The following ITPRID2 variants were observed in gnomAD, a reference collection of about 807,000 sequenced individuals.
ITPRID2 encodes protein ITPRID2.
In ITPRID2, 60 loss-of-function variants were observed where a neutral mutation model predicts 124.3. The ratio of observed to expected loss-of-function variants is 0.48; its 90% confidence interval spans 0.39 to 0.60. ITPRID2 has a LOEUF of 0.60. Ranked by LOEUF, ITPRID2 falls within the 20% of genes least tolerant of loss-of-function variation. The pLI, the probability that ITPRID2 is intolerant of heterozygous loss-of-function variation, is 0.00. For synonymous variants in ITPRID2, 521 were observed against 542.9 expected (o/e 0.96, Z 0.56); for missense variants, 1,553 against 1,512.2 (o/e 1.03, Z -0.45).
At chr2:181,911,866 C>T (rs1191466043) in intron 9 of ITPRID2, among the ~76,000 whole-genome samples, 2 of 152,170 alleles carry the variant, frequency 1.3e-5, no homozygotes, top group Non-Finnish European at 2.9e-5. Flanking sequence ...AGAAACACAG[C>T]AAGAACTTGA....
chr2:181,901,216 C>T (rs1692640577), intron 7 of ITPRID2, among the ~76,000 whole-genome samples: 1 of 152,136 alleles, frequency 6.6e-6, no homozygotes, highest in African/African-American at 2.4e-5. Context: ...CCTTGTTAAT[C>T]TTAAATGAAG....
intron 16 of ITPRID2, among the ~76,000 whole-genome samples, chr2:181,922,993 A>G (rs1694593265): frequency 6.6e-6 from 1 of 152,198 alleles, no homozygotes; most frequent in Non-Finnish European, 1.5e-5. Flanking sequence ...TAATAAGTAT[A>G]AATAGATTGA....
rs908140671 is a variant in ITPRID2 at position 181,922,158 on chromosome 2, C to G, written c.3421C>G (p.Pro1141Ala). ...TGCCTCAGTGGGCAAATCCAAAACC[C>G]CATTAGTGGCAAGGAAGAAAGTGTT... ...STASVGKSKT[P>A]LVARKKVFRA... The change falls in exon 16 of 18, where the codon CCA becomes GCA. Residue 1141 changes from proline to alanine, a missense_variant. Pro to Ala is a conservative substitution (Grantham distance 27). Transcript: ENST00000431877. 1 of 1,614,216 alleles carries G rather than the reference C, an allele frequency of 6.2e-7. No homozygotes were observed. The highest frequency in any genetic ancestry group is 8.5e-7 in the Non-Finnish European group (1 of 1,180,040).
intron 11 of ITPRID2, chr2:181,917,559 T>G (rs1694166687): frequency 6.6e-6 from 1 of 152,430 alleles, no homozygotes; most frequent in African/African-American, 2.4e-5. Flanking sequence ...CACCTAGTTC[T>G]TCTGCTCCAG....
rs763900957 is a variant in ITPRID2 at position 181,918,640 on chromosome 2, A to G, written c.2830A>G (p.Ser944Gly). 1 of 1,614,118 alleles carries G rather than the reference A, an allele frequency of 6.2e-7. No individual in the cohort carries two copies. Among genetic ancestry groups the G allele is most frequent in the Non-Finnish European group, 8.5e-7 (1 of 1,179,986 alleles). The change falls in exon 12 of 18, where the codon AGT (serine) becomes GGT (glycine). Residue 944 changes from serine (S) to glycine (G), a missense_variant. Ser to Gly is a moderately conservative substitution (Grantham distance 56, BLOSUM62 0). Transcript: ENST00000431877. ...RGPDPAAAPY[S>G]TQKSSVLPLY... Reference sequence around the variant, plus strand: ...ACCTGATCCTGCTGCTGCTCCATATAGTACTCAGAAATCATCTGTTCTACC... The same window carrying G: ...ACCTGATCCTGCTGCTGCTCCATATGGTACTCAGAAATCATCTGTTCTACC...
intron 7 of ITPRID2, 54 bp from the exon 8 acceptor site, chr2:181,901,712 G>A: frequency 1.7e-6 from 2 of 1,195,838 alleles, no homozygotes; most frequent in Non-Finnish European, 2.3e-6. Flanking sequence ...TTTAATATAT[G>A]TGTATGTATA....
At chr2:181,897,383 T>C (rs1574202921) in intron 4 of ITPRID2, among the ~76,000 whole-genome samples, 1 of 152,020 alleles carries the variant, frequency 6.6e-6, no homozygotes, top group East Asian at 1.9e-4. Context: ...TTTAAGTGTC[T>C]CCTGTCTTTT....
In ITPRID2 at chr2:181,929,727, A is replaced by T; in HGVS notation, c.*180A>T. ...ATATTTTAAAAAGACGTACATAGAA[A>T]CTTAGGCACTTTGCTATTTCTTTTC... On this transcript the variant is annotated 3_prime_UTR_variant, in exon 18 of 18. Coordinates refer to ENST00000431877, the MANE Select transcript of ITPRID2 (RefSeq NM_001130445.3). 4 of 1,016,550 alleles carry T rather than the reference A, an allele frequency of 3.9e-6. No individual in the cohort carries two copies. Among genetic ancestry groups the T allele is most frequent in the Non-Finnish European group, 5.6e-6 (4 of 712,364 alleles). 63.0% of individuals were successfully genotyped at this position (1,016,550 alleles called of 1,614,324 possible). A position where few individuals can be genotyped will look rare whatever the true frequency, so the allele number is the denominator to read the frequency against.
chr2:181,918,063 A>G (rs1479051305), intron 11 of ITPRID2: 3 of 154,376 alleles, frequency 1.9e-5, no homozygotes, highest in Admixed American at 6.5e-5. Context: ...TGTGTTCATC[A>G]TAGCACTCCT....
intron 11 of ITPRID2, chr2:181,918,257 TATA>T: frequency 9.6e-7 from 1 of 1,039,624 alleles, no homozygotes; most frequent in Non-Finnish European, 1.2e-6. Flanking sequence ...TAATAATCAC[TATA>T]ATCTCATGAT....
rs545829195 is a variant in ITPRID2 at position 181,909,949 on chromosome 2, A to G, written c.1464A>G (p.Leu488=). ...CTCATGTTCCAGCCACTTACCAGCT[A>G]GGTCTTACGAAGTCGAAAAGAGGTA... ...EAPHVPATYQ[L]GLTKSKRDHL... Residue 488 remains leucine, a synonymous_variant, in exon 9 of 18, where the codon CTA becomes CTG. Transcript: ENST00000431877. 19 of 1,613,212 alleles carry G rather than the reference A, an allele frequency of 1.2e-5. No homozygotes were observed. In the South Asian group the frequency reaches 2.0e-4, roughly 17 times the overall value.
intron 8 of ITPRID2, among the ~76,000 whole-genome samples, chr2:181,904,013 C>T (rs1248614172): frequency 2.0e-5 from 3 of 152,272 alleles, no homozygotes; most frequent in African/African-American, 7.2e-5. Flanking sequence ...ATATTGGCGA[C>T]TCCGAGTGAA....
chr2:181,928,521 TAATA>T (rs1695031661), intron 17 of ITPRID2, among the ~76,000 whole-genome samples: 1 of 152,208 alleles, frequency 6.6e-6, no homozygotes, highest in South Asian at 2.1e-4. Context: ...TTCATTATAG[TAATA>T]AATCCTGGAA....
At position 181,921,409 on chromosome 2, in the gene ITPRID2, C is replaced by T. The variant is rs190556271; in HGVS notation, c.3211-539C>T. The stretch of plus-strand genomic sequence containing the variant: ...AGGAGACTTGCTTGAACCCGGGAGG[C>T]GGAGGTTGCAGTGAGCCGAGATCAA... On this transcript the variant is annotated intron_variant, in intron 15 of 17. Transcript: ENST00000431877. 4.2e-3 allele frequency among the ~76,000 whole-genome samples: 627 copies of T among 149,954 alleles called. 3 individuals carry two copies. The highest frequency in any genetic ancestry group is 0.015 in the African/African-American group (596 of 40,676).
At chr2:181,903,900 G>A (rs1323081051) in intron 8 of ITPRID2, among the ~76,000 whole-genome samples, 1 of 151,744 alleles carries the variant, frequency 6.6e-6, no homozygotes, top group Non-Finnish European at 1.5e-5. Flanking sequence ...CTACCATTAG[G>A]GCCCTCTTCT....
chr2:181,929,011 T>C (rs1036631048), intron 17 of ITPRID2, among the ~76,000 whole-genome samples: 8 of 152,052 alleles, frequency 5.3e-5, no homozygotes, highest in Non-Finnish European at 1.0e-4. Context: ...CTAATAATAA[T>C]TTATTTCAAA....
At chr2:181,916,708 A>G (rs1472327995) in intron 11 of ITPRID2, 11 of 720,554 alleles carry the variant, frequency 1.5e-5, no homozygotes, top group East Asian at 1.3e-4. Context: ...TTTTTAGTCT[A>G]TCATCCACTG....
Position 181,900,864 on chromosome 2 carries a change from G to A in ITPRID2, c.672G>A (p.Met224Ile), listed in dbSNP as rs1194387492. The A allele has an allele frequency of 5.6e-6, 9 of 1,612,022 alleles. No individual in the cohort carries two copies. Among genetic ancestry groups the A allele is most frequent in the Non-Finnish European group, 7.6e-6 (9 of 1,179,316 alleles). ...TTAAAGTATTTTTGAGTGCTCAGAT[G>A]CAACGGATGGAAGTAGAAAACCCAA... ...IDIKVFLSAQ[M>I]QRMEVENPNY... is the part of the protein sequence containing the mutation. The change falls in exon 7 of 18, where the codon ATG becomes ATA. Residue 224 changes from methionine (M) to isoleucine (I), a missense_variant. Transcript: ENST00000431877.
intron 7 of ITPRID2, 127 bp downstream of exon 7, chr2:181,901,031 G>T: frequency 1.4e-6 from 1 of 730,746 alleles, no homozygotes; most frequent in South Asian, 2.3e-5. Context: ...TAACGCAAAA[G>T]CCATTTTTAC....
Sources: allele counts gnomAD v4.1 joint callset (sites outside exome capture counted in the v4.1 genomes callset), GRCh38; gene constraint gnomAD v4.1.1; transcripts MANE v1.5; gene names NCBI Gene and HGNC (gene_info 2026-07-23, HGNC 2026-07-21).